RYR1: variants seen among roughly 807,000 people sequenced by gnomAD.
RYR1 encodes central core disease of muscle.
RYR1 carries 342 observed loss-of-function variants against 583.5 expected under a neutral mutation model. The ratio of observed to expected loss-of-function variants is 0.59; its 90% CI spans 0.54 to 0.64. The LOEUF (loss-of-function observed/expected upper bound fraction) is 0.64, where lower values mean the gene tolerates loss of function less well. RYR1 is among the 30% of genes least tolerant of loss of function. The pLI, the probability that RYR1 is intolerant of heterozygous loss-of-function variation, is 0.00. For missense variants in RYR1, 6,032 were observed against 6,917.2 expected, an observed-to-expected ratio of 0.87 and a Z score of 4.54; for synonymous variants, 2,791 against 2,822.5, an observed-to-expected ratio of 0.99 and a Z score of 0.35.
chr19:38,507,629 C>T, intron 57 of RYR1, 83 bp from the exon 58 acceptor site: 1 of 888,608 alleles, frequency 1.1e-6, no homozygotes, highest in East Asian at 2.5e-5. Flanking sequence ...ACGGGGCCAG[C>T]AGGAGCAGAG....
At position 38,577,941 on chromosome 19, in the gene RYR1, C is replaced by A. The variant is rs201670423; in HGVS notation, c.14196C>A (p.Ile4732=). ...AGGTCCTGGACAAACATGGGGACAT[C>A]TACGGGCGGGAGCGGATTGCTGAGC... ...KRKVLDKHGD[I]YGRERIAELL... The change falls in exon 98 of 106, where the codon ATC becomes ATA. Residue 4732 remains isoleucine, a synonymous_variant. Transcript: ENST00000359596. 217 of 1,614,024 alleles carry A rather than the reference C, an allele frequency of 1.3e-4. No homozygotes were observed. Among genetic ancestry groups the A allele is most frequent in the Non-Finnish European group, 1.7e-4 (204 of 1,180,042 alleles).
intron 12 of RYR1, 26 bp from the exon 13 acceptor site, chr19:38,452,793 G>A: frequency 6.4e-6 from 10 of 1,555,424 alleles, no homozygotes; most frequent in Non-Finnish European, 7.8e-6. Flanking sequence ...TCCCAGCCGT[G>A]GCTGACAGCT....
At chr19:38,489,563 C>A in intron 35 of RYR1, 120 bp downstream of exon 35, 2 of 1,088,976 alleles carry the variant, frequency 1.8e-6, no homozygotes, top group Non-Finnish European at 2.8e-6. Context: ...ATGCATATGG[C>A]AGTGAGCAAT....
intron 100 of RYR1, 50 bp downstream of exon 100, chr19:38,580,178 G>A: frequency 6.2e-7 from 1 of 1,613,060 alleles, no homozygotes. Flanking sequence ...GACCAGCGTG[G>A]CAGTGGGTGG....
chr19:38,580,365 C>T lies in RYR1; in HGVS notation c.14512-5C>T, dbSNP rs922928512. On this transcript the variant is annotated splice_polypyrimidine_tract_variant and splice_region_variant and intron_variant, in intron 100 of 105. Transcript: ENST00000359596. ...GGAGCTGACCTGGCCCCATCCTGCCCCCAGCTGGTGATGACCGTGGGCCTT... is the reference window on the plus strand; with the variant it reads ...GGAGCTGACCTGGCCCCATCCTGCCTCCAGCTGGTGATGACCGTGGGCCTT... 1 of 1,613,924 alleles carries T rather than the reference C, an allele frequency of 6.2e-7. No individual in the cohort carries two copies. Among genetic ancestry groups the T allele is most frequent in the Admixed American group, 1.7e-5 (1 of 59,986 alleles).
chr19:38,466,495 C>CTA, intron 24 of RYR1, 97 bp downstream of exon 24: 10 of 946,370 alleles, frequency 1.1e-5, no homozygotes, highest in Non-Finnish European at 1.4e-5. Flanking sequence ...CCCAAATGGG[C>CTA]TATATCTTTT....
intron 83 of RYR1, chr19:38,537,242 CGCCTGCCTCCTCTGT>C (rs1028049057): frequency 1.3e-5 from 3 of 225,960 alleles, no homozygotes; most frequent in African/African-American, 2.3e-5. Context: ...GCCTCCTCTG[CGCCTGCCTCCTCTGT>C]GCCTGCTCTG....
chr19:38,481,026 C>T (rs1475409604), intron 31 of RYR1, among the ~76,000 whole-genome samples: 1 of 151,944 alleles, frequency 6.6e-6, no homozygotes, highest in African/African-American at 2.4e-5. Flanking sequence ...CATGCTCAAC[C>T]TTATTTATTT....
intron 89 of RYR1, among the ~76,000 whole-genome samples, chr19:38,557,457 G>C (rs981161004): frequency 6.6e-6 from 1 of 152,218 alleles, no homozygotes; most frequent in Non-Finnish European, 1.5e-5. Context: ...CCTGTAAACC[G>C]GCTGGTGGCG....
chr19:38,580,224 G>T, intron 100 of RYR1, 96 bp downstream of exon 100: 1 of 1,600,302 alleles, frequency 6.2e-7, no homozygotes, highest in South Asian at 1.1e-5. Flanking sequence ...GGCTGAGGAG[G>T]GGCAAGGCCA....
Position 38,499,059 on chromosome 19 carries a change from AG to A in RYR1, c.6892-47del. 6.2e-7 allele frequency: 1 copy of A among 1,608,552 alleles called. No homozygotes were observed. The highest frequency in any genetic ancestry group is 8.5e-7 in the Non-Finnish European group (1 of 1,176,706). The stretch of plus-strand genomic sequence containing the variant: ...GCAGGGCAGAGGGCTGAGCCCCAGG[AG>A]GAAGGTGGCATGGGTCTGGTCTCTG... On this transcript the variant is annotated intron_variant, in intron 42 of 105. Transcript: ENST00000359596. The surrounding 1 kb of genome is among the most constrained non-coding windows in gnomAD (Gnocchi z 7.3).
intron 102 of RYR1, 110 bp downstream of exon 102, chr19:38,585,209 G>A (rs1974419221): frequency 6.1e-6 from 8 of 1,317,414 alleles, no homozygotes; most frequent in African/African-American, 1.5e-5. Flanking sequence ...TCTACCTCTC[G>A]CTACTGTGAG....
At chr19:38,447,853 AAAAAAC>A (rs1269106953) in intron 9 of RYR1, among the ~76,000 whole-genome samples, 1 of 151,756 alleles carries the variant, frequency 6.6e-6, no homozygotes, top group African/African-American at 2.4e-5. Flanking sequence ...AAAAAAAAAA[AAAAAAC>A]AAGCAAAACA....
At chr19:38,511,748 TC>T (rs1970734988) in intron 61 of RYR1, 138 bp downstream of exon 61, 1 of 1,089,646 alleles carries the variant, frequency 9.2e-7, no homozygotes, top group Non-Finnish European at 1.4e-6. Context: ...GGACCAGGTA[TC>T]CGGGGGGTAG....
In RYR1 at chr19:38,575,797, C is replaced by T. The variant is rs1973930471; in HGVS notation, c.14130-122C>T. On this transcript the variant is annotated intron_variant, in intron 96 of 105. Coordinates refer to ENST00000359596, the MANE Select transcript of RYR1 (RefSeq NM_000540.3). ...CAGCCTGGGCAACAGAGTGAGACTC[C>T]ATCTCAAAAAAAAAGGAAAAAGAAA... 2.9e-5 allele frequency: 30 copies of T among 1,021,718 alleles called. No individual in the cohort carries two copies. In the South Asian group the frequency reaches 3.6e-4, roughly 12 times the overall value. The allele number at this position is 1,021,718 out of a possible 1,614,324, so 63.3% of individuals were successfully genotyped here.
At chr19:38,488,997 T>C (rs1969426936) in intron 34 of RYR1, among the ~76,000 whole-genome samples, 180 bp from the exon 35 acceptor site, 3 of 151,928 alleles carry the variant, frequency 2.0e-5, no homozygotes, top group Admixed American at 2.0e-4. Flanking sequence ...TGGACCTGGG[T>C]GGATCTTAAG....
Position 38,451,813 on chromosome 19 carries a change from G to A in RYR1, c.1172G>A (p.Arg391His), listed in dbSNP as rs769387053. 3.2e-5 allele frequency: 52 copies of A among 1,613,930 alleles called. No homozygotes were observed. The highest frequency in any genetic ancestry group is 4.2e-5 in the Non-Finnish European group (50 of 1,180,012). ...ATGGACGACGCACTGTCGCTGACCC[G>A]CTGCCAGCAGGAGGAGTCCCAGGCC... ...GHMDDALSLT[R>H]CQQEESQAAR... Residue 391 changes from arginine (R) to histidine (H), a missense_variant, in exon 12 of 106, where the codon CGC becomes CAC. Transcript: ENST00000359596.
chr19:38,580,899 A>ATTTT (rs74176451), intron 101 of RYR1, among the ~76,000 whole-genome samples: 1 of 132,812 alleles, frequency 7.5e-6, no homozygotes, highest in African/African-American at 2.8e-5. Flanking sequence ...TGCCAGGCAC[A>ATTTT]TTTTTTTTTT....
intron 90 of RYR1, among the ~76,000 whole-genome samples, chr19:38,563,589 C>T (rs778918905): frequency 2.6e-4 from 40 of 152,162 alleles, no homozygotes; most frequent in Non-Finnish European, 4.6e-4. Context: ...TATCAGGCAC[C>T]GGGCGCTGTT....
Sources: allele counts gnomAD v4.1 joint callset (sites outside exome capture counted in the v4.1 genomes callset), GRCh38; gene constraint gnomAD v4.1.1; non-coding constraint Gnocchi (gnomAD v3.1); transcripts MANE v1.5; gene names NCBI Gene and HGNC (gene_info 2026-07-23, HGNC 2026-07-21).